The following UBTF variants were observed in gnomAD, a reference collection of about 807,000 sequenced individuals.
The protein encoded by UBTF is nucleolar transcription factor 1.
Under a neutral mutation model 112.3 loss-of-function variants are expected in UBTF, and 8 were observed. That is an observed-to-expected ratio of 0.07 (90% CI 0.04 to 0.13). The LOEUF is 0.13. UBTF is among the 10% of genes least tolerant of loss of function. UBTF has a pLI of 1.00. For missense variants in UBTF, 457 were observed against 982.1 expected (o/e 0.47, Z 7.15); for synonymous variants, 417 against 373.1 (o/e 1.12, Z -1.36).
At chr17:44,215,178 C>A (rs1202858891) in intron 5 of UBTF, among the ~76,000 whole-genome samples, 1 of 152,260 alleles carries the variant, frequency 6.6e-6, no homozygotes, top group Non-Finnish European at 1.5e-5. Context: ...CTAAATCCTG[C>A]TCTAGCATCA....
chr17:44,207,822 T>TC, intron 18 of UBTF, 42 bp downstream of exon 18: 1 of 1,613,840 alleles, frequency 6.2e-7, no homozygotes, highest in Non-Finnish European at 8.5e-7. Context: ...ACCCCTGAAT[T>TC]CCCCCACCCC....
At chr17:44,219,932 G>C (rs895645303), upstream of UBTF, among the ~76,000 whole-genome samples, 4 of 151,154 alleles carry the variant, frequency 2.6e-5, no homozygotes, top group African/African-American at 4.9e-5. Context: ...CAGCCTGCCC[G>C]GGCGGGCTCC....
chr17:44,206,677 A>G lies in UBTF; in HGVS notation c.*565T>C, dbSNP rs994489816. On this transcript the variant is annotated 3_prime_UTR_variant, in exon 21 of 21. Coordinates refer to ENST00000436088, the MANE Select transcript of UBTF (RefSeq NM_014233.4). ...AAAAAACACTTCTGCCCCCTCCCCC[A>G]TGAACGGGTCCAGGCAGCTCCTTCC... 1.5e-4 allele frequency: 23 copies of G among 156,024 alleles called. No individual in the cohort carries two copies. Among genetic ancestry groups the G allele is most frequent in the Non-Finnish European group, 2.0e-4 (14 of 71,082 alleles). The allele number at this position is 156,024 out of a possible 1,614,324, so 9.7% of individuals were successfully genotyped here. A position where few individuals can be genotyped will look rare whatever the true frequency, so the allele number is the denominator to read the frequency against.
rs747620214 is a variant in UBTF at position 44,211,864 on chromosome 17, A to G, written c.905+9T>C. 1.9e-6 allele frequency: 3 copies of G among 1,612,120 alleles called. 1 individual carries two copies. Among genetic ancestry groups the G allele is most frequent in the South Asian group, 2.2e-5 (2 of 90,916 alleles). On this transcript the variant is annotated intron_variant, in intron 9 of 20. Transcript: ENST00000436088. The surrounding 1 kb of genome is among the most constrained non-coding windows in gnomAD (Gnocchi z 4.9). ...CCCACTCGCCCACCCATCCCAGGGCAGCGCTCACGGAGGTGGCTTGGTGGG... is the reference window on the plus strand; with the variant it reads ...CCCACTCGCCCACCCATCCCAGGGCGGCGCTCACGGAGGTGGCTTGGTGGG...
intron 15 of UBTF, 27 bp from the exon 16 acceptor site, chr17:44,209,760 C>T (rs777327449): frequency 6.2e-7 from 1 of 1,609,522 alleles, no homozygotes; most frequent in South Asian, 1.1e-5. Flanking sequence ...CACGCTCACC[C>T]CCCAGTCCCA....
At chr17:44,218,343 C>T in intron 1 of UBTF, 47 bp from the exon 2 acceptor site, 1 of 1,149,722 alleles carries the variant, frequency 8.7e-7, no homozygotes, top group East Asian at 2.4e-5. Context: ...GAGAGGTGAA[C>T]GACTAACGAC....
chr17:44,207,981 G>GC, intron 17 of UBTF, 70 bp from the exon 18 acceptor site: 1 of 1,594,344 alleles, frequency 6.3e-7, no homozygotes, highest in Non-Finnish European at 8.6e-7. Flanking sequence ...CTGGCCCAGT[G>GC]CTAGGCAGTG....
chr17:44,208,091 A>G (rs2056385869), intron 17 of UBTF, among the ~76,000 whole-genome samples, 180 bp from the exon 18 acceptor site: 2 of 116,404 alleles, frequency 1.7e-5, no homozygotes, highest in South Asian at 2.5e-4. Flanking sequence ...ACACAGCTCT[A>G]ATTTTTTTTT....
rs370357560 is a variant in UBTF, at chr17:44,210,084, G to T, written c.1626+40C>A. 14 of 1,608,122 alleles carry T rather than the reference G, an allele frequency of 8.7e-6. No homozygotes were observed. The African/African-American group carries it at 1.9e-4, about 22-fold the overall frequency. On this transcript the variant is annotated intron_variant, in intron 15 of 20. Coordinates refer to ENST00000436088, the MANE Select transcript of UBTF (RefSeq NM_014233.4). ...GCTGCCCAACCAAAGGGGAGTTCCCGAGCTTTCAATGAATGGGGTGGCCCC... is the reference window on the plus strand; with the variant it reads ...GCTGCCCAACCAAAGGGGAGTTCCCTAGCTTTCAATGAATGGGGTGGCCCC...
At chr17:44,218,691 G>C (rs1567811079) in intron 1 of UBTF, among the ~76,000 whole-genome samples, 1 of 151,598 alleles carries the variant, frequency 6.6e-6, no homozygotes. Context: ...GGCGGGTAAA[G>C]GGCGCGCGCG....
intron 3 of UBTF, chr17:44,216,292 C>G: frequency 3.3e-6 from 2 of 612,134 alleles, no homozygotes; most frequent in Non-Finnish European, 5.8e-6. Flanking sequence ...CTCCGTCAAT[C>G]TCAGCACAGC....
intron 1 of UBTF, chr17:44,219,013 G>A (rs1195140844): frequency 1.3e-5 from 2 of 149,674 alleles, no homozygotes; most frequent in South Asian, 2.1e-4. Flanking sequence ...GCGCACGGAG[G>A]AGCCCGGCAC....
At chr17:44,219,950 G>A (rs1235642292), upstream of UBTF, among the ~76,000 whole-genome samples, 1 of 151,060 alleles carries the variant, frequency 6.6e-6, no homozygotes, top group African/African-American at 2.4e-5. Context: ...TCCGCGGGGG[G>A]CAGCTGGGAG....
intron 1 of UBTF, 178 bp downstream of exon 1, chr17:44,219,267 C>T (rs1315245078): frequency 1.3e-5 from 2 of 151,144 alleles, no homozygotes; most frequent in Non-Finnish European, 3.0e-5. Context: ...GCTCAGGCCT[C>T]GCTTCCTGCC....
Position 44,211,416 on chromosome 17 carries a change from G to A in UBTF, c.1048-85C>T, listed in dbSNP as rs997631837. 1.1e-5 allele frequency: 17 copies of A among 1,589,630 alleles called. No homozygotes were observed. The South Asian group carries it at 1.6e-4, about 15-fold the overall frequency. On this transcript the variant is annotated intron_variant, in intron 10 of 20. Coordinates refer to ENST00000436088, the MANE Select transcript of UBTF (RefSeq NM_014233.4). The surrounding 1 kb of genome is among the most constrained non-coding windows in gnomAD (Gnocchi z 4.9). ...TACTCGGAGGACAGTGACCTTCAGCGGGCCTCCAGAGCCTGGGTGTGGGCT... is the reference window on the plus strand; with the variant it reads ...TACTCGGAGGACAGTGACCTTCAGCAGGCCTCCAGAGCCTGGGTGTGGGCT...
In UBTF at chr17:44,210,867, C is replaced by T. The variant is rs1326167697; in HGVS notation, c.1284G>A (p.Glu428=). 2.5e-6 allele frequency: 4 copies of T among 1,583,218 alleles called. No homozygotes were observed. The Middle Eastern group carries it at 5.0e-4, about 198-fold the overall frequency. ...SEEKRRQLQE[E]RPELSESELT... is the part of the protein sequence containing the mutation. ...GCTCGCTCTCGGAGAGCTCAGGCCG[C>T]TCCTCCTGCAGCTGCCGCCGTTTCT... Residue 428 remains glutamate, a synonymous_variant, in exon 13 of 21, where the codon GAG becomes GAA. Coordinates refer to ENST00000436088, the MANE Select transcript of UBTF (RefSeq NM_014233.4).
intron 14 of UBTF, 26 bp from the exon 15 acceptor site, chr17:44,210,260 G>A (rs371753919): frequency 4.6e-5 from 75 of 1,614,118 alleles, no homozygotes; most frequent in Admixed American, 2.8e-4. Context: ...GGTATCAGCC[G>A]TGGGAGGGGT....
At position 44,211,307 on chromosome 17, in the gene UBTF, G is replaced by A. The variant is rs1283279059; in HGVS notation, c.1072C>T (p.Leu358=). 4 of 1,614,148 alleles carry A rather than the reference G, an allele frequency of 2.5e-6. No individual in the cohort carries two copies. In the Admixed American group the frequency reaches 5.0e-5, roughly 20 times the overall value. Residue 358 remains leucine, a synonymous_variant, in exon 11 of 21, where the codon CTG becomes TTG. Coordinates refer to ENST00000436088, the MANE Select transcript of UBTF (RefSeq NM_014233.4). This position sits in a 1 kb window ranked among gnomAD's most constrained non-coding sequence, Gnocchi z 4.9. ...ACACTCACCTCGAGGAAACGGAGCA[G>A]CTCCACCTCGTAATCTTTCTTTTTC... ...DQKKKDYEVE[L]LRFLESLPEE... is the part of the protein sequence containing the mutation.
chr17:44,218,394 TGAGA>T lies in UBTF; in HGVS notation c.-67-102_-67-99del, dbSNP rs540397469. 6.0e-5 allele frequency: 41 copies of T among 681,024 alleles called. No homozygotes were observed. The Admixed American group carries it at 1.0e-3, about 17-fold the overall frequency. 42.2% of individuals were successfully genotyped at this position (681,024 alleles called of 1,614,324 possible). A position where few individuals can be genotyped will look rare whatever the true frequency, so the allele number is the denominator to read the frequency against. ...AGTAGAAGGGGGCAGGTCCACACTC[TGAGA>T]GACTCAGCCATGACCTTATTAGACT... On this transcript the variant is annotated intron_variant, in intron 1 of 20. Transcript: ENST00000436088.
Sources: allele counts gnomAD v4.1 joint callset (sites outside exome capture counted in the v4.1 genomes callset), GRCh38; gene constraint gnomAD v4.1.1; non-coding constraint Gnocchi (gnomAD v3.1); transcripts MANE v1.5; gene names NCBI Gene and HGNC (gene_info 2026-07-23, HGNC 2026-07-21).